Variants in PFKFB3 observed in about 807,000 individuals in gnomAD.
PFKFB3 encodes 6-phosphofructo-2-kinase/fructose-2,6-bisphosphatase 3.
PFKFB3 carries 33 observed loss-of-function variants against 68.0 expected under a neutral mutation model. The ratio of observed to expected loss-of-function variants is 0.49; its 90% confidence interval spans 0.37 to 0.65. PFKFB3 has a LOEUF of 0.65. Ranked by LOEUF, PFKFB3 falls within the 30% of genes least tolerant of loss-of-function variation. The probability of loss-of-function intolerance (pLI) is 0.00; values close to 1 mark genes in which losing one functional copy is unlikely to be tolerated. For missense variants in PFKFB3, 586 were observed against 712.2 expected (o/e 0.82, Z 2.02); for synonymous variants, 315 against 288.2 (o/e 1.09, Z -0.94).
intron 1 of PFKFB3, among the ~76,000 whole-genome samples, chr10:6,180,987 T>C (rs1362494744): frequency 6.6e-6 from 1 of 152,112 alleles, no homozygotes; most frequent in Non-Finnish European, 1.5e-5. Flanking sequence ...AGAACAGATA[T>C]TTGTCACACC....
At chr10:6,241,274 T>G in intron 14 of PFKFB3, among the ~76,000 whole-genome samples, 1 of 152,220 alleles carries the variant, frequency 6.6e-6, no homozygotes, top group East Asian at 1.9e-4. Flanking sequence ...TTAGGGATTT[T>G]GGGAAGAATC....
chr10:6,207,210 C>T (rs577157898), intron 1 of PFKFB3, among the ~76,000 whole-genome samples: 42 of 151,802 alleles, frequency 2.8e-4, no homozygotes, highest in African/African-American at 7.5e-4. Flanking sequence ...CCGAGGCTGG[C>T]GGATCACTCG....
downstream of PFKFB3, among the ~76,000 whole-genome samples, chr10:6,258,287 T>C (rs114100875): frequency 4.8e-3 from 738 of 152,172 alleles, 12 homozygotes; most frequent in African/African-American, 0.017. Flanking sequence ...GAGTTTCAGA[T>C]TGGGGAAGAG....
At chr10:6,243,893 G>A (rs1159997201) in intron 14 of PFKFB3, among the ~76,000 whole-genome samples, 1 of 151,944 alleles carries the variant, frequency 6.6e-6, no homozygotes, top group African/African-American at 2.4e-5. Context: ...CCCAGCTAAT[G>A]TTTTTATTTT....
At position 6,234,038 on chromosome 10, in the gene PFKFB3, T is replaced by A. The variant is rs1845895888; in HGVS notation, c.*1096T>A. ...CGGTGCCTTGGGAAGGTCGGAAGAG[T>A]GGACTTTGTCCTGGCCTTCCCTTCA... On this transcript the variant is annotated 3_prime_UTR_variant, in exon 15 of 15. Transcript: ENST00000379775. The A allele has an allele frequency of 6.6e-6, 1 of 152,386 alleles. No homozygotes were observed. Among genetic ancestry groups the A allele is most frequent in the Admixed American group, 6.5e-5 (1 of 15,284 alleles). The allele number at this position is 152,386 out of a possible 1,614,324, so 9.4% of individuals were successfully genotyped here.
At chr10:6,171,593 G>A (rs1786792918) in intron 1 of PFKFB3, among the ~76,000 whole-genome samples, 1 of 152,032 alleles carries the variant, frequency 6.6e-6, no homozygotes, top group South Asian at 2.1e-4. Context: ...AGGTCCCTCT[G>A]TGTTGCTCGG....
At chr10:6,160,445 C>T (rs958404934) in intron 1 of PFKFB3, among the ~76,000 whole-genome samples, 59 of 152,260 alleles carry the variant, frequency 3.9e-4, no homozygotes, top group Admixed American at 2.5e-3. Context: ...TTCCTGGGTG[C>T]GGTGGCTCAC....
chr10:6,196,431 A>G (rs1843177108), intron 1 of PFKFB3, among the ~76,000 whole-genome samples: 1 of 152,200 alleles, frequency 6.6e-6, no homozygotes. Flanking sequence ...GGTGAGGTCC[A>G]CAATAGGCCG....
intron 1 of PFKFB3, among the ~76,000 whole-genome samples, chr10:6,148,913 A>G (rs1317226807): frequency 2.0e-5 from 3 of 152,018 alleles, no homozygotes; most frequent in East Asian, 1.9e-4. Context: ...CCCTCTCTCT[A>G]CCAAAAAAAT....
chr10:6,242,393 C>T (rs148634143), intron 14 of PFKFB3, among the ~76,000 whole-genome samples: 14 of 152,298 alleles, frequency 9.2e-5, no homozygotes, highest in African/African-American at 1.7e-4. Flanking sequence ...CTGCCCAGGA[C>T]GGGCCTGGCC....
intron 1 of PFKFB3, among the ~76,000 whole-genome samples, chr10:6,168,319 C>A (rs1312981179): frequency 6.6e-6 from 1 of 152,220 alleles, no homozygotes; most frequent in Non-Finnish European, 1.5e-5. Flanking sequence ...AATGTCCTGC[C>A]TCAGGCTGGA....
At chr10:6,304,147 T>C in the PFKFB3 span, among the ~76,000 whole-genome samples, 3 of 152,204 alleles carry the variant, frequency 2.0e-5, no homozygotes, top group Non-Finnish European at 4.4e-5. Context: ...TAAAGACCAA[T>C]TGTGCTAATC....
rs756580552 is a variant in PFKFB3, at chr10:6,246,278, GATTT to G, written c.1516-7891_1516-7888del. ...TCCTTTAATCCGGTAACAATCACTT[GATTT>G]ATTTATTTTTTTCTTGATGTACATT... On this transcript the variant is annotated intron_variant, in intron 14 of 14. Coordinates refer to the PFKFB3 transcript ENST00000640683. Among the ~76,000 whole-genome samples, 9 of 151,606 alleles carry G rather than the reference GATTT, an allele frequency of 5.9e-5. No individual in the cohort carries two copies. In the East Asian group the frequency reaches 7.8e-4, roughly 13 times the overall value.
downstream of PFKFB3, among the ~76,000 whole-genome samples, chr10:6,255,517 A>G (rs958000575): frequency 1.3e-5 from 2 of 152,248 alleles, no homozygotes; most frequent in Non-Finnish European, 2.9e-5. Context: ...AATGCAAGAT[A>G]TATTTTCGGG....
chr10:6,320,049 A>G, the PFKFB3 span, among the ~76,000 whole-genome samples: 1 of 151,870 alleles, frequency 6.6e-6, no homozygotes, highest in Admixed American at 6.6e-5. Flanking sequence ...AAAAATACAA[A>G]AAATTAGCTG....
downstream of PFKFB3, among the ~76,000 whole-genome samples, chr10:6,255,808 G>A (rs2132086024): frequency 6.6e-6 from 1 of 152,328 alleles, no homozygotes; most frequent in Non-Finnish European, 1.5e-5. Flanking sequence ...AAAGTACCCA[G>A]CTGCCTCCTC....
rs1564227349 is a variant in PFKFB3, at chr10:6,235,426, TA to T, written c.*2486del. The stretch of plus-strand genomic sequence containing the variant: ...CTGTGTTCTGTGTATTTGTCTGAAT[TA>T]ATGACCTGGGATATAAAGCTATGCT... On this transcript the variant is annotated 3_prime_UTR_variant, in exon 15 of 15. Coordinates refer to ENST00000379775, the MANE Select transcript of PFKFB3 (RefSeq NM_004566.4). The T allele has an allele frequency of 6.6e-6, 1 of 152,342 alleles. No homozygotes were observed. The allele number at this position is 152,342 out of a possible 1,614,324, so 9.4% of individuals were successfully genotyped here. A position where few individuals can be genotyped will look rare whatever the true frequency, so the allele number is the denominator to read the frequency against.
At position 6,229,869 on chromosome 10, in the gene PFKFB3, TG is replaced by T. The variant is rs1004856246; in HGVS notation, c.1516-3025del. On this transcript the variant is annotated intron_variant, in intron 14 of 14. Coordinates refer to ENST00000379775, the MANE Select transcript of PFKFB3 (RefSeq NM_004566.4). This position sits in a 1 kb window ranked among gnomAD's most constrained non-coding sequence, Gnocchi z 4.3. ...TCAGATCGTCTGGCATTAGATTCTC[TG>T]AAGGGAACGCACAGCCTAGATCCCT... is the stretch of plus-strand genomic sequence containing the variant. 6.6e-6 allele frequency among the ~76,000 whole-genome samples: 1 copy of T among 152,156 alleles called. No individual in the cohort carries two copies. Among genetic ancestry groups the T allele is most frequent in the African/African-American group, 2.4e-5 (1 of 41,440 alleles).
In PFKFB3 at chr10:6,228,049, C is replaced by G; in HGVS notation, c.1515+1684C>G. Reference sequence around the variant, plus strand: ...CTGTCCGCTTCAGAGCTGCCCCTGGCGTTGGGAGGACAGTCCTTCAGGGTG... The same window carrying G: ...CTGTCCGCTTCAGAGCTGCCCCTGGGGTTGGGAGGACAGTCCTTCAGGGTG... On this transcript the variant is annotated intron_variant, in intron 14 of 14. Coordinates refer to ENST00000379775, the MANE Select transcript of PFKFB3 (RefSeq NM_004566.4). This position sits in a 1 kb window ranked among gnomAD's most constrained non-coding sequence, Gnocchi z 4.5. The G allele has an allele frequency of 5.1e-6, 4 of 778,762 alleles. No individual in the cohort carries two copies. The South Asian group carries it at 5.9e-5, about 12-fold the overall frequency. 48.2% of individuals were successfully genotyped at this position (778,762 alleles called of 1,614,324 possible).
Sources: allele counts gnomAD v4.1 joint callset (sites outside exome capture counted in the v4.1 genomes callset), GRCh38; gene constraint gnomAD v4.1.1; non-coding constraint Gnocchi (gnomAD v3.1); transcripts MANE v1.5; gene names NCBI Gene and HGNC (gene_info 2026-07-23, HGNC 2026-07-21).